The following PNPT1 variants were observed in gnomAD, a reference collection of about 807,000 sequenced individuals.
PNPT1 encodes the protein polyribonucleotide nucleotidyltransferase 1, mitochondrial.
Under a neutral mutation model 119.5 loss-of-function variants are expected in PNPT1, and 53 were observed. The ratio of observed to expected loss-of-function variants is 0.44; its 90% CI spans 0.36 to 0.56. PNPT1 has a LOEUF of 0.56. PNPT1 is among the 20% of genes least tolerant of loss of function. PNPT1 has a pLI of 0.00. For synonymous variants in PNPT1, 357 were observed against 322.1 expected, an observed-to-expected ratio of 1.11 and a Z score of -1.16; for missense variants, 948 against 938.5, an observed-to-expected ratio of 1.01 and a Z score of -0.13.
Position 55,647,436 on chromosome 2 carries a change from C to G in PNPT1, c.1513G>C (p.Ala505Pro), listed in dbSNP as rs1416075980. The G allele has an allele frequency of 6.2e-7, 1 of 1,607,946 alleles. No homozygotes were observed. Among genetic ancestry groups the G allele is most frequent in the Non-Finnish European group, 8.5e-7 (1 of 1,176,244 alleles). ...LMDSGVPISS[A>P]VAGVAIGLVT... Reference sequence around the variant, plus strand: ...AATCCTATTGCTACGCCTGCAACAGCAGATGAAATTGGAACCCCTATAATT... The same window carrying G: ...AATCCTATTGCTACGCCTGCAACAGGAGATGAAATTGGAACCCCTATAATT... The change falls in exon 19 of 28, where the codon GCT becomes CCT. Residue 505 changes from alanine (A) to proline (P), a missense_variant. By Grantham distance (27) the Ala-to-Pro change is conservative. Coordinates refer to ENST00000447944, the MANE Select transcript of PNPT1 (RefSeq NM_033109.5).
intron 8 of PNPT1, among the ~76,000 whole-genome samples, chr2:55,674,120 C>T (rs1218479696): frequency 2.6e-5 from 4 of 152,186 alleles, no homozygotes; most frequent in Admixed American, 1.3e-4. Flanking sequence ...CTAATTCTTG[C>T]ACAGATGGGG....
rs140059234 is a variant in PNPT1, at chr2:55,654,997, T to A, written c.1442-44A>T. ...CTGCTTTATATTAAACTGATTTTTTTAATGTAGAAAAGTGTTACTATTGGT... is the reference window on the plus strand; with the variant it reads ...CTGCTTTATATTAAACTGATTTTTTAAATGTAGAAAAGTGTTACTATTGGT... On this transcript the variant is annotated intron_variant, in intron 17 of 27. Transcript: ENST00000447944. 1.2e-3 allele frequency: 1,876 copies of A among 1,524,678 alleles called. 19 individuals are homozygous for A. In the East Asian group the frequency reaches 0.023, roughly 19 times the overall value. The allele number at this position is 1,524,678 out of a possible 1,614,324, so 94.4% of individuals were successfully genotyped here.
At chr2:55,656,518 CG>C (rs1479544141) in intron 15 of PNPT1, 147 bp from the exon 16 acceptor site, 1 of 719,446 alleles carries the variant, frequency 1.4e-6, no homozygotes, top group Non-Finnish European at 2.2e-6. Context: ...ATACAGAAAA[CG>C]TATGATATAA....
At chr2:55,664,738 T>C (rs553321620) in intron 13 of PNPT1, among the ~76,000 whole-genome samples, 2 of 152,248 alleles carry the variant, frequency 1.3e-5, no homozygotes, top group African/African-American at 4.8e-5. Flanking sequence ...AGCCAGAGAT[T>C]GTCACAATGG....
At chr2:55,650,884 C>T (rs568816941) in intron 18 of PNPT1, among the ~76,000 whole-genome samples, 2 of 150,656 alleles carry the variant, frequency 1.3e-5, no homozygotes, top group Non-Finnish European at 3.0e-5. Context: ...CCACCTCGTC[C>T]GGCAGGGAGG....
intron 8 of PNPT1, among the ~76,000 whole-genome samples, chr2:55,678,281 T>C (rs1697146710): frequency 6.6e-6 from 1 of 152,232 alleles, no homozygotes; most frequent in Admixed American, 6.5e-5. Flanking sequence ...ACATCATCTA[T>C]TATTCATGGC....
chr2:55,648,834 A>G (rs1469478626), intron 18 of PNPT1, among the ~76,000 whole-genome samples: 3 of 152,172 alleles, frequency 2.0e-5, no homozygotes, highest in Non-Finnish European at 4.4e-5. Context: ...TTACGTAATC[A>G]TGGTTTCTGG....
intron 15 of PNPT1, among the ~76,000 whole-genome samples, chr2:55,657,301 C>T (rs1437438930): frequency 6.6e-6 from 1 of 151,908 alleles, no homozygotes; most frequent in Non-Finnish European, 1.5e-5. Context: ...TGCACTTCAG[C>T]CTGTGGAACA....
intron 12 of PNPT1, 113 bp from the exon 13 acceptor site, chr2:55,667,206 G>C: frequency 1.4e-6 from 1 of 712,968 alleles, no homozygotes; most frequent in East Asian, 2.8e-5. Context: ...AATCCCCTGT[G>C]GAACTTTAAA....
intron 9 of PNPT1, among the ~76,000 whole-genome samples, chr2:55,672,341 C>T (rs919867199): frequency 5.9e-5 from 9 of 152,076 alleles, no homozygotes; most frequent in African/African-American, 1.9e-4. Flanking sequence ...TAACCTCTTC[C>T]TTTCTTCATT....
chr2:55,660,704 G>C (rs1400519903), intron 14 of PNPT1, among the ~76,000 whole-genome samples: 1 of 152,198 alleles, frequency 6.6e-6, no homozygotes, highest in Admixed American at 6.5e-5. Context: ...ATTATAGCAG[G>C]TCACTGGCCC....
rs1378767646 is a variant in PNPT1, at chr2:55,671,390, G to A, written c.919-14C>T. 1.3e-6 allele frequency: 2 copies of A among 1,503,202 alleles called. No individual in the cohort carries two copies. The highest frequency in any genetic ancestry group is 2.4e-5 in the East Asian group (1 of 41,708). 93.1% of individuals were successfully genotyped at this position (1,503,202 alleles called of 1,614,324 possible). ...ATCTCTGGAAACCTAAAAGAAAGTTGAGGTTCAGTTATTACATATACATGA... is the reference window on the plus strand; with the variant it reads ...ATCTCTGGAAACCTAAAAGAAAGTTAAGGTTCAGTTATTACATATACATGA... On this transcript the variant is annotated splice_polypyrimidine_tract_variant and intron_variant, in intron 10 of 27. Transcript: ENST00000447944.
intron 13 of PNPT1, among the ~76,000 whole-genome samples, chr2:55,662,678 AAAG>A (rs1172112857): frequency 6.6e-6 from 1 of 152,134 alleles, no homozygotes; most frequent in Non-Finnish European, 1.5e-5. Context: ...TGTCTCAGAA[AAAG>A]AAGAAAAGAA....
At chr2:55,652,874 G>A (rs1391115013) in intron 18 of PNPT1, among the ~76,000 whole-genome samples, 1 of 152,174 alleles carries the variant, frequency 6.6e-6, no homozygotes, top group Non-Finnish European at 1.5e-5. Flanking sequence ...TCTTGAGACA[G>A]AGTCACTCTG....
At chr2:55,688,561 C>T (rs1258485996) in intron 1 of PNPT1, among the ~76,000 whole-genome samples, 1 of 151,956 alleles carries the variant, frequency 6.6e-6, no homozygotes, top group African/African-American at 2.4e-5. Flanking sequence ...CCCATCTCTA[C>T]AAAAAATATC....
In PNPT1 at chr2:55,692,116, C is replaced by T. The variant is rs190415845; in HGVS notation, c.161+1547G>A. On this transcript the variant is annotated intron_variant, in intron 1 of 27. Transcript: ENST00000447944. ...GCCAGGCTGGTCTCGAACTCCTGAC[C>T]TCAGGAGATCCACCCACCTCAGCCT... is the stretch of plus-strand genomic sequence containing the variant. Among the ~76,000 whole-genome samples the T allele has an allele frequency of 2.6e-5, 4 of 151,834 alleles. No homozygotes were observed. The East Asian group carries it at 5.8e-4, about 22-fold the overall frequency.
Position 55,693,738 on chromosome 2 carries a change from G to T in PNPT1, c.86C>A (p.Ala29Glu). ...GPFLLPRRDR[A>E]LTQLQVRALW... ...TGCTCGCACTTGCAACTGGGTGAGT[G>T]CCCGATCCCGCCGTGGCAGAAGGAA... Residue 29 changes from alanine to glutamate, a missense_variant, in exon 1 of 28, where the codon GCA (alanine) becomes GAA (glutamate). By Grantham distance (107) the Ala-to-Glu change is moderately radical (BLOSUM62 -1). Transcript: ENST00000447944. The T allele has an allele frequency of 6.2e-7, 1 of 1,614,184 alleles. No homozygotes were observed. Among genetic ancestry groups the T allele is most frequent in the African/African-American group, 1.3e-5 (1 of 75,066 alleles).
In PNPT1 at chr2:55,672,039, T is replaced by C. The variant is rs533576539; in HGVS notation, c.874A>G (p.Met292Val). The change falls in exon 10 of 28, where the codon ATG becomes GTG. Residue 292 changes from methionine to valine, a missense_variant. Met to Val is a conservative substitution (Grantham distance 21, BLOSUM62 1). Transcript: ENST00000447944. Reference sequence around the variant, plus strand: ...GTAAAAACTGCATAGAGTCTCTCCATAGCAAGTCTATTTAAGCAGAAAATA... The same window carrying C: ...GTAAAAACTGCATAGAGTCTCTCCACAGCAAGTCTATTTAAGCAGAAAATA... ...EIVKYTHKLA[M>V]ERLYAVFTDY... 23 of 1,597,040 alleles carry C rather than the reference T, an allele frequency of 1.4e-5. No individual in the cohort carries two copies. In the African/African-American group the frequency reaches 2.3e-4, roughly 16 times the overall value.
intron 8 of PNPT1, among the ~76,000 whole-genome samples, chr2:55,673,715 T>C (rs184894477): frequency 6.6e-6 from 1 of 152,362 alleles, no homozygotes; most frequent in Admixed American, 6.5e-5. Context: ...CCCAAAGTGC[T>C]GGGATTAGAC....
Sources: gnomAD v4.1 joint callset for allele counts (sites outside exome capture counted in the v4.1 genomes callset) on GRCh38, gnomAD v4.1.1 for gene constraint, MANE v1.5 for transcripts, NCBI Gene and HGNC (gene_info 2026-07-23, HGNC 2026-07-21) for gene names.